BLOC1S6: variants seen among roughly 807,000 people sequenced by gnomAD.
BLOC1S6 encodes the protein biogenesis of lysosomal organelles complex 1 subunit 6.
BLOC1S6 carries 24 observed loss-of-function variants against 24.7 expected under a neutral mutation model. The observed-to-expected ratio is 0.97, with a 90% CI of 0.70 to 1.37. BLOC1S6 has a LOEUF of 1.37. Ranked by LOEUF, BLOC1S6 falls within the 40% of genes most tolerant of loss-of-function variation. The probability of loss-of-function intolerance (pLI) is 0.00; values close to 1 mark genes in which losing one functional copy is unlikely to be tolerated. For missense variants in BLOC1S6, 175 were observed against 196.2 expected, an observed-to-expected ratio of 0.89 and a Z score of 0.64; for synonymous variants, 76 against 72.6, an observed-to-expected ratio of 1.05 and a Z score of -0.23.
At chr15:45,594,129 A>T (rs753294225) in intron 2 of BLOC1S6, among the ~76,000 whole-genome samples, 43 of 152,188 alleles carry the variant, frequency 2.8e-4, no homozygotes, top group Non-Finnish European at 5.6e-4. Flanking sequence ...TGGCTCTGCC[A>T]TCAAACCTTT....
At chr15:45,601,949 T>C (rs1315680352) in intron 2 of BLOC1S6, among the ~76,000 whole-genome samples, 1 of 152,180 alleles carries the variant, frequency 6.6e-6, no homozygotes, top group Non-Finnish European at 1.5e-5. Flanking sequence ...GGTGTGATTA[T>C]AACTCACTGC....
chr15:45,591,176 G>T (rs988162303), intron 1 of BLOC1S6, among the ~76,000 whole-genome samples: 3 of 152,064 alleles, frequency 2.0e-5, no homozygotes, highest in African/African-American at 7.2e-5. Flanking sequence ...TAAGAGAGAA[G>T]AAATTCTTAG....
chr15:45,593,304 C>T (rs4337250), intron 2 of BLOC1S6, among the ~76,000 whole-genome samples: 105,596 of 150,130 alleles, frequency 0.7, 38,535 homozygotes, highest in African/African-American at 0.91. Context: ...GAGAATCGCT[C>T]GAACTCAGGG....
intron 2 of BLOC1S6, among the ~76,000 whole-genome samples, chr15:45,594,018 A>T (rs1373913381): frequency 1.3e-5 from 2 of 152,170 alleles, no homozygotes; most frequent in Non-Finnish European, 2.9e-5. Flanking sequence ...AAGGAAAAAG[A>T]GAGTATTTCC....
At chr15:45,605,832 C>CG (rs1595560666) in intron 4 of BLOC1S6, 3 of 314,770 alleles carry the variant, frequency 9.5e-6, no homozygotes, top group South Asian at 6.2e-5. Context: ...TCAGGTGATA[C>CG]GCCTGCCTTG....
At chr15:45,603,661 G>A (rs1894345607) in intron 3 of BLOC1S6, among the ~76,000 whole-genome samples, 1 of 152,186 alleles carries the variant, frequency 6.6e-6, no homozygotes, top group African/African-American at 2.4e-5. Context: ...CCACAAGTGA[G>A]CTGTGATTGT....
At chr15:45,587,565 G>A in intron 1 of BLOC1S6, 40 bp downstream of exon 1, 2 of 1,529,740 alleles carry the variant, frequency 1.3e-6, no homozygotes, top group Non-Finnish European at 1.8e-6. Context: ...CGGGCTGGGT[G>A]TGAGGGGCGG....
chr15:45,587,829 G>A (rs1439795047), intron 1 of BLOC1S6: 1 of 693,562 alleles, frequency 1.4e-6, no homozygotes, highest in African/African-American at 1.8e-5. Flanking sequence ...TACGGCAGTG[G>A]TGGGGGATGG....
chr15:45,591,864 G>C (rs1231578366), intron 1 of BLOC1S6: 2 of 411,726 alleles, frequency 4.9e-6, no homozygotes, highest in African/African-American at 4.0e-5. Flanking sequence ...AGTTTAAAAA[G>C]AAAAGAAGGA....
intron 1 of BLOC1S6, chr15:45,587,998 C>A (rs1893747278): frequency 1.8e-6 from 1 of 549,232 alleles, no homozygotes; most frequent in Non-Finnish European, 3.2e-6. Context: ...AGCTCTAATG[C>A]CCTAAGGCAT....
rs1389007813 is a variant in BLOC1S6 at position 45,605,505 on chromosome 15, AAAG to A, written c.391_393del (p.Lys131del). On this transcript the variant is annotated inframe_deletion, in exon 4 of 5. Transcript: ENST00000220531. ...TGCTGATGCTTCATGAAAAAACATC[AAAG>A]TTAAAAGTGAGTTGAAAATTCTTTC... 1.2e-6 allele frequency: 2 copies of A among 1,604,102 alleles called. No homozygotes were observed. Among genetic ancestry groups the A allele is most frequent in the South Asian group, 2.2e-5 (2 of 90,612 alleles).
intron 4 of BLOC1S6, 41 bp from the exon 5 acceptor site, chr15:45,606,354 C>G (rs763000912): frequency 6.2e-6 from 10 of 1,610,560 alleles, no homozygotes; most frequent in Non-Finnish European, 7.6e-6. Flanking sequence ...CCTGTAACCC[C>G]TGATTGCTCT....
Position 45,609,704 on chromosome 15 carries a change from C to T in BLOC1S6, c.*3190C>T, listed in dbSNP as rs912500200. ...TTACACATTTAATAAAAAAAGGTCT[C>T]TGAATTATCTGATGTCATTTATCAA... On this transcript the variant is annotated 3_prime_UTR_variant, in exon 5 of 5. Transcript: ENST00000220531. The T allele has an allele frequency of 6.6e-6, 1 of 152,156 alleles. No homozygotes were observed. Among genetic ancestry groups the T allele is most frequent in the African/African-American group, 2.4e-5 (1 of 41,438 alleles). The allele number at this position is 152,156 out of a possible 1,614,324, so 9.4% of individuals were successfully genotyped here.
chr15:45,589,047 A>G (rs1893790371), intron 1 of BLOC1S6, among the ~76,000 whole-genome samples: 1 of 152,240 alleles, frequency 6.6e-6, no homozygotes, highest in Non-Finnish European at 1.5e-5. Flanking sequence ...AAAGTGACAC[A>G]AATATGCAGA....
rs370118149 is a variant in BLOC1S6, at chr15:45,605,445, C to T, written c.330C>T (p.His110=). 8 of 1,612,036 alleles carry T rather than the reference C, an allele frequency of 5.0e-6. No individual in the cohort carries two copies. The highest frequency in any genetic ancestry group is 8.5e-7 in the Non-Finnish European group (1 of 1,178,750). Residue 110 remains histidine, a synonymous_variant, in exon 4 of 5, where the codon CAC becomes CAT. Transcript: ENST00000220531. ...ATGTTAAGTTTGCTGAGGCTAAACA[C>T]TATCATGCCAAGTTGGTGAATATAA... ...DINALFAEAK[H]YHAKLVNIRK...
chr15:45,603,052 G>A (rs758518364), intron 2 of BLOC1S6, 48 bp from the exon 3 acceptor site: 2 of 1,264,916 alleles, frequency 1.6e-6, no homozygotes, highest in African/African-American at 2.9e-5. Context: ...TAATGGACCG[G>A]CACTTTAAAT....
At chr15:45,588,195 A>G (rs375300102) in intron 1 of BLOC1S6, among the ~76,000 whole-genome samples, 2 of 152,352 alleles carry the variant, frequency 1.3e-5, no homozygotes, top group South Asian at 2.1e-4. Context: ...TGTTTCAGAA[A>G]TATAGGGGTT....
intron 2 of BLOC1S6, among the ~76,000 whole-genome samples, chr15:45,593,810 T>G (rs1169027036): frequency 6.6e-6 from 1 of 152,190 alleles, no homozygotes; most frequent in Non-Finnish European, 1.5e-5. Flanking sequence ...CACTTTAACA[T>G]ATCTCAGTTA....
rs117862306 is a variant in BLOC1S6 at position 45,601,254 on chromosome 15, C to T, written c.225-1846C>T. 4.2e-3 allele frequency: 650 copies of T among 154,458 alleles called. 3 individuals carry two copies. Among genetic ancestry groups the T allele is most frequent in the Middle Eastern group, 0.039 (76 of 1,926 alleles). 9.6% of individuals were successfully genotyped at this position (154,458 alleles called of 1,614,324 possible). A position where few individuals can be genotyped will look rare whatever the true frequency, so the allele number is the denominator to read the frequency against. ...TATAGCACAGCTGCAGTTGACTGTACGTGCCTAAAACTGAAGAAAGCAAAA... is the reference window on the plus strand; with the variant it reads ...TATAGCACAGCTGCAGTTGACTGTATGTGCCTAAAACTGAAGAAAGCAAAA... On this transcript the variant is annotated intron_variant, in intron 2 of 4. Coordinates refer to ENST00000220531, the MANE Select transcript of BLOC1S6 (RefSeq NM_012388.4).
Sources: allele counts gnomAD v4.1 joint callset (sites outside exome capture counted in the v4.1 genomes callset), GRCh38; gene constraint gnomAD v4.1.1; transcripts MANE v1.5; gene names NCBI Gene and HGNC (gene_info 2026-07-23, HGNC 2026-07-21).